Variants in NRG3 observed in about 807,000 individuals in gnomAD.
NRG3 encodes neuregulin 3.
NRG3 carries 31 observed loss-of-function variants against 66.9 expected under a neutral mutation model. The observed-to-expected ratio is 0.46, with a 90% CI of 0.35 to 0.63. NRG3 has a LOEUF of 0.63. NRG3 is among the 20% of genes least tolerant of loss of function. The probability of loss-of-function intolerance (pLI) is 0.00; values close to 1 mark genes in which losing one functional copy is unlikely to be tolerated. For synonymous variants in NRG3, 393 were observed against 359.4 expected, an observed-to-expected ratio of 1.09 and a Z score of -1.06; for missense variants, 910 against 878.9, an observed-to-expected ratio of 1.04 and a Z score of -0.45.
At chr10:82,431,577 T>G (rs2089808752) in intron 2 of NRG3, among the ~76,000 whole-genome samples, 1 of 152,170 alleles carries the variant, frequency 6.6e-6, no homozygotes, top group Non-Finnish European at 1.5e-5. Flanking sequence ...GGAGTAGGTT[T>G]TCAAATGTCC....
intron 2 of NRG3, among the ~76,000 whole-genome samples, chr10:82,538,738 C>G (rs1418673355): frequency 6.6e-6 from 1 of 151,986 alleles, no homozygotes; most frequent in East Asian, 1.9e-4. Context: ...GTTCTGCTAA[C>G]AGAAATATCT....
intron 3 of NRG3, among the ~76,000 whole-genome samples, chr10:82,833,393 G>T (rs144249220): frequency 1.9e-3 from 286 of 152,208 alleles, no homozygotes; most frequent in African/African-American, 6.6e-3. Flanking sequence ...TCCCGAGTGC[G>T]GTACTGTTTC....
At chr10:82,527,099 A>G (rs1400408978) in intron 2 of NRG3, among the ~76,000 whole-genome samples, 1 of 152,070 alleles carries the variant, frequency 6.6e-6, no homozygotes, top group Non-Finnish European at 1.5e-5. Context: ...AAGACTATTT[A>G]TAATAGCTAC....
In NRG3 at chr10:82,456,536, A is replaced by G. The variant is rs547169453; in HGVS notation, c.953+97668A>G. 2.2e-4 allele frequency among the ~76,000 whole-genome samples: 33 copies of G among 152,198 alleles called. 1 individual carries two copies. In the South Asian group the frequency reaches 6.9e-3, roughly 32 times the overall value. On this transcript the variant is annotated intron_variant, in intron 2 of 8. Transcript: ENST00000372141. The stretch of plus-strand genomic sequence containing the variant: ...TACTCAGGGTCAGAATCATCAATGC[A>G]TCACTAGGTAATAGAAATTTTTCAG...
intron 1 of NRG3, among the ~76,000 whole-genome samples, chr10:82,011,343 T>C (rs1411253618): frequency 6.6e-6 from 1 of 152,150 alleles, no homozygotes; most frequent in Non-Finnish European, 1.5e-5. Context: ...GCGATTAAGT[T>C]ATCTCCATCT....
At chr10:82,568,940 T>C (rs1394059902) in intron 2 of NRG3, among the ~76,000 whole-genome samples, 2 of 151,834 alleles carry the variant, frequency 1.3e-5, no homozygotes, top group African/African-American at 4.8e-5. Flanking sequence ...CCCTTTACCA[T>C]TAGTGCTTTA....
chr10:82,085,859 G>A (rs961479285), intron 1 of NRG3, among the ~76,000 whole-genome samples: 2 of 151,840 alleles, frequency 1.3e-5, no homozygotes, highest in Non-Finnish European at 2.9e-5. Flanking sequence ...GGCTAGTCTC[G>A]AACTCTGACC....
chr10:82,297,550 G>A (rs2080144010), intron 1 of NRG3, among the ~76,000 whole-genome samples: 1 of 152,066 alleles, frequency 6.6e-6, no homozygotes, highest in South Asian at 2.1e-4. Flanking sequence ...GAAAGAACAA[G>A]TGTAGCTCCC....
chr10:81,945,228 C>G (rs113981784), intron 1 of NRG3, among the ~76,000 whole-genome samples: 10 of 152,102 alleles, frequency 6.6e-5, no homozygotes, highest in Non-Finnish European at 8.8e-5. Context: ...AGGTCTGGAT[C>G]GTATAATCTT....
chr10:81,883,729 A>C (rs150709688), intron 1 of NRG3, among the ~76,000 whole-genome samples: 35 of 152,306 alleles, frequency 2.3e-4, no homozygotes, highest in Non-Finnish European at 4.9e-4. Context: ...CTATGACTAC[A>C]TGCAACCTCT....
At chr10:82,207,841 C>G (rs1351170484) in intron 1 of NRG3, among the ~76,000 whole-genome samples, 1 of 152,114 alleles carries the variant, frequency 6.6e-6, no homozygotes, top group East Asian at 1.9e-4. Flanking sequence ...GAAACTGCCC[C>G]CATGATTCAA....
chr10:82,773,033 A>C (rs1291536249), intron 3 of NRG3, among the ~76,000 whole-genome samples: 7 of 152,090 alleles, frequency 4.6e-5, no homozygotes, highest in African/African-American at 1.7e-4. Context: ...ATTATGAATA[A>C]TGTTACAGTG....
At chr10:82,075,381 A>G (rs1469784207) in intron 1 of NRG3, among the ~76,000 whole-genome samples, 1 of 152,156 alleles carries the variant, frequency 6.6e-6, no homozygotes, top group Non-Finnish European at 1.5e-5. Context: ...ATTTTGGGAA[A>G]GTTAGCAGTC....
intron 2 of NRG3, among the ~76,000 whole-genome samples, chr10:82,553,987 AT>A (rs1299388342): frequency 6.6e-6 from 1 of 152,182 alleles, no homozygotes; most frequent in African/African-American, 2.4e-5. Context: ...CACAGATTGT[AT>A]TTCAAACTCT....
intron 2 of NRG3, among the ~76,000 whole-genome samples, chr10:82,662,716 T>A (rs1005383571): frequency 6.6e-6 from 1 of 152,102 alleles, no homozygotes; most frequent in Non-Finnish European, 1.5e-5. Context: ...AGCATAACAT[T>A]TAGATCCTCT....
At position 82,409,709 on chromosome 10, in the gene NRG3, T is replaced by TG. The variant is rs111863702; in HGVS notation, c.953+50841_953+50842insG. 7.0e-3 allele frequency among the ~76,000 whole-genome samples: 1,065 copies of TG among 152,278 alleles called. 13 individuals are homozygous for TG. The highest frequency in any genetic ancestry group is 0.025 in the African/African-American group (1,027 of 41,570). On this transcript the variant is annotated intron_variant, in intron 2 of 8. Coordinates refer to ENST00000372141, the MANE Select transcript of NRG3 (RefSeq NM_001010848.4). ...AACTGTTTTATTTTGCTCATGATTT[T>TG]TGGCTTATGAATTATAAAAGAACCC...
chr10:82,554,921 C>A (rs2044550763), intron 2 of NRG3, among the ~76,000 whole-genome samples: 2 of 152,260 alleles, frequency 1.3e-5, no homozygotes, highest in African/African-American at 4.8e-5. Context: ...TTTACACACA[C>A]CGTCCTCATG....
At chr10:82,151,798 C>T (rs552440252) in intron 1 of NRG3, among the ~76,000 whole-genome samples, 44 of 152,240 alleles carry the variant, frequency 2.9e-4, no homozygotes, top group Non-Finnish European at 4.1e-4. Flanking sequence ...AGCATGGTAG[C>T]GTAGTGCTTC....
chr10:82,548,549 ACACACACACACG>A (rs2044088855), intron 2 of NRG3, among the ~76,000 whole-genome samples: 2 of 151,374 alleles, frequency 1.3e-5, no homozygotes, highest in African/African-American at 4.9e-5. Context: ...ACACACACAC[ACACACACACACG>A]CACACGCACA....
Sources: allele counts gnomAD v4.1 joint callset (sites outside exome capture counted in the v4.1 genomes callset), GRCh38; gene constraint gnomAD v4.1.1; transcripts MANE v1.5; gene names NCBI Gene and HGNC (gene_info 2026-07-23, HGNC 2026-07-21).